Variants in FSTL5 observed in about 807,000 individuals in gnomAD.
The protein encoded by FSTL5 is follistatin-related protein 5.
FSTL5 carries 62 observed loss-of-function variants against 89.1 expected under a neutral mutation model. The ratio of observed to expected loss-of-function variants is 0.70; its 90% CI spans 0.57 to 0.86. FSTL5 has a LOEUF of 0.86. Ranked by LOEUF, FSTL5 falls within the 40% of genes least tolerant of loss-of-function variation. The probability of loss-of-function intolerance (pLI) is 0.00; values close to 1 mark genes in which losing one functional copy is unlikely to be tolerated. For missense variants in FSTL5, 1,057 were observed against 1,001.6 expected (o/e 1.06, Z -0.75); for synonymous variants, 383 against 346.2 (o/e 1.11, Z -1.18).
chr4:161,861,782 A>C (rs1203969811), intron 4 of FSTL5, among the ~76,000 whole-genome samples: 3 of 152,222 alleles, frequency 2.0e-5, no homozygotes, highest in Non-Finnish European at 2.9e-5. Flanking sequence ...TGGTATAATA[A>C]TAGTTGACAG....
chr4:161,597,926 G>A (rs1734084307), intron 7 of FSTL5, among the ~76,000 whole-genome samples: 1 of 152,042 alleles, frequency 6.6e-6, no homozygotes, highest in Admixed American at 6.6e-5. Flanking sequence ...CATACGACAT[G>A]AACAATATTC....
chr4:161,858,658 T>C (rs1731801661), intron 4 of FSTL5, among the ~76,000 whole-genome samples: 1 of 152,222 alleles, frequency 6.6e-6, no homozygotes, highest in Admixed American at 6.5e-5. Context: ...AATCTGACTC[T>C]TGCTCCATTC....
intron 4 of FSTL5, among the ~76,000 whole-genome samples, chr4:161,805,897 T>C (rs1729949937): frequency 6.6e-6 from 1 of 152,050 alleles, no homozygotes; most frequent in African/African-American, 2.4e-5. Context: ...TTACATACAG[T>C]AAGATATTCT....
intron 2 of FSTL5, among the ~76,000 whole-genome samples, chr4:162,073,403 A>C (rs866701239): frequency 6.6e-6 from 1 of 151,714 alleles, no homozygotes; most frequent in African/African-American, 2.4e-5. Context: ...AATTGAAAAC[A>C]CCACAGTAAA....
chr4:161,618,470 T>A (rs1457349005), intron 7 of FSTL5, among the ~76,000 whole-genome samples: 2 of 140,622 alleles, frequency 1.4e-5, no homozygotes, highest in African/African-American at 5.4e-5. Flanking sequence ...TTGTCATAGA[T>A]AGCTCTTATT....
chr4:162,067,101 T>C (rs1294891788), intron 2 of FSTL5, among the ~76,000 whole-genome samples: 1 of 152,070 alleles, frequency 6.6e-6, no homozygotes, highest in African/African-American at 2.4e-5. Flanking sequence ...ACTGTTGTGA[T>C]CATGGCTCAC....
chr4:161,677,957 T>C (rs1301655071), intron 6 of FSTL5, among the ~76,000 whole-genome samples: 1 of 151,778 alleles, frequency 6.6e-6, no homozygotes, highest in Admixed American at 6.6e-5. Context: ...ACCATAGATA[T>C]ATATATTTTA....
At chr4:161,396,213 A>T (rs914541851) in intron 15 of FSTL5, among the ~76,000 whole-genome samples, 6 of 152,158 alleles carry the variant, frequency 3.9e-5, no homozygotes, top group African/African-American at 1.4e-4. Context: ...CCGAAGTTAC[A>T]TGAACGCACA....
intron 3 of FSTL5, among the ~76,000 whole-genome samples, chr4:161,973,863 T>C (rs113667002): frequency 2.6e-5 from 4 of 152,178 alleles, no homozygotes; most frequent in African/African-American, 9.6e-5. Context: ...AAAACCCCAT[T>C]GTCTCAGCCC....
At chr4:162,139,058 CT>C (rs1332464475) in intron 1 of FSTL5, among the ~76,000 whole-genome samples, 1 of 151,920 alleles carries the variant, frequency 6.6e-6, no homozygotes, top group Non-Finnish European at 1.5e-5. Context: ...TAATAGGTTT[CT>C]TTTTTCCCCA....
chr4:161,780,109 T>C (rs1741606490), intron 4 of FSTL5, among the ~76,000 whole-genome samples: 1 of 149,324 alleles, frequency 6.7e-6, no homozygotes, highest in Non-Finnish European at 1.5e-5. Context: ...TGCTAGTGAC[T>C]AAATGGTGCA....
chr4:161,751,477 G>C (rs763320437), intron 6 of FSTL5, among the ~76,000 whole-genome samples: 3 of 152,136 alleles, frequency 2.0e-5, no homozygotes, highest in Non-Finnish European at 4.4e-5. Flanking sequence ...GGATAGCTAT[G>C]AACTCTAACA....
chr4:161,743,542 G>A (rs890209019), intron 6 of FSTL5, among the ~76,000 whole-genome samples: 3 of 151,888 alleles, frequency 2.0e-5, no homozygotes, highest in African/African-American at 7.3e-5. Flanking sequence ...GACTCCATGC[G>A]ATTCCATATG....
intron 6 of FSTL5, among the ~76,000 whole-genome samples, chr4:161,710,369 A>G (rs1738736544): frequency 6.6e-6 from 1 of 152,202 alleles, no homozygotes; most frequent in African/African-American, 2.4e-5. Flanking sequence ...TTTTGATTCT[A>G]TAGCAGAATT....
At chr4:162,104,534 T>C (rs1457751899) in intron 2 of FSTL5, among the ~76,000 whole-genome samples, 1 of 152,208 alleles carries the variant, frequency 6.6e-6, no homozygotes, top group Non-Finnish European at 1.5e-5. Context: ...AACAGGCTCA[T>C]ACAACAGACC....
At chr4:161,522,665 G>C (rs1731080267) in intron 10 of FSTL5, among the ~76,000 whole-genome samples, 1 of 151,284 alleles carries the variant, frequency 6.6e-6, no homozygotes, top group African/African-American at 2.4e-5. Flanking sequence ...TAAAATTATA[G>C]ATATTATGTT....
intron 4 of FSTL5, among the ~76,000 whole-genome samples, chr4:161,868,516 C>T (rs1320458474): frequency 6.6e-6 from 1 of 152,108 alleles, no homozygotes; most frequent in African/African-American, 2.4e-5. Context: ...TAATCTCCTC[C>T]CACTTTGTCA....
intron 4 of FSTL5, among the ~76,000 whole-genome samples, chr4:161,860,936 C>G (rs535661233): frequency 6.6e-5 from 10 of 152,224 alleles, no homozygotes; most frequent in African/African-American, 2.4e-4. Flanking sequence ...CATGCACACA[C>G]ACACAAAATG....
chr4:161,594,228 T>G (rs927050727), intron 7 of FSTL5, among the ~76,000 whole-genome samples: 1 of 152,022 alleles, frequency 6.6e-6, no homozygotes, highest in Admixed American at 6.6e-5. Context: ...AGAGAATTCT[T>G]TCAACGGACA....
Sources: gnomAD v4.1 joint callset for allele counts (sites outside exome capture counted in the v4.1 genomes callset) on GRCh38, gnomAD v4.1.1 for gene constraint, MANE v1.5 for transcripts, NCBI Gene and HGNC (gene_info 2026-07-23, HGNC 2026-07-21) for gene names.